BEGAIN: variants seen among roughly 807,000 people sequenced by gnomAD.
BEGAIN encodes the protein brain-enriched guanylate kinase-associated protein.
Under a neutral mutation model 35.8 loss-of-function variants are expected in BEGAIN, and 19 were observed. The observed-to-expected ratio is 0.53, with a 90% CI of 0.37 to 0.78. The LOEUF is 0.78. Ranked by LOEUF, BEGAIN falls within the 30% of genes least tolerant of loss-of-function variation. The pLI, the probability that BEGAIN is intolerant of heterozygous loss-of-function variation, is 0.00. For synonymous variants in BEGAIN, 462 were observed against 388.6 expected (o/e 1.19, Z -2.22); for missense variants, 795 against 853.6 (o/e 0.93, Z 0.85).
At position 100,567,908 on chromosome 14, in the gene BEGAIN, C is replaced by T; in HGVS notation, c.71+3G>A. 1 of 1,468,648 alleles carries T rather than the reference C, an allele frequency of 6.8e-7. No individual in the cohort carries two copies. 91.0% of individuals were successfully genotyped at this position (1,468,648 alleles called of 1,614,324 possible). ...GCCGCGGCACGGGAGACGCTCCACT[C>T]ACCTGAGTTTCTCCATGTCTGCGGC... On this transcript the variant is annotated splice_donor_region_variant and intron_variant, in intron 2 of 6. Transcript: ENST00000554140. This position sits in a 1 kb window ranked among gnomAD's most constrained non-coding sequence, Gnocchi z 5.1.
chr14:100,539,357 C>G (rs748189913), intron 6 of BEGAIN, 42 bp from the exon 7 acceptor site: 4 of 1,510,600 alleles, frequency 2.6e-6, no homozygotes, highest in Non-Finnish European at 3.5e-6. Context: ...TACAGGGTCA[C>G]TGTTAGCATG....
Position 100,546,776 on chromosome 14 carries a change from G to GCACACACA in BEGAIN, c.72-115_72-114insTGTGTGTG, listed in dbSNP as rs1389719323. 50 of 678,288 alleles carry GCACACACA rather than the reference G, an allele frequency of 7.4e-5. No homozygotes were observed. In the African/African-American group the frequency reaches 9.9e-4, roughly 13 times the overall value. The allele number at this position is 678,288 out of a possible 1,614,324, so 42.0% of individuals were successfully genotyped here. Reference sequence around the variant, plus strand: ...CACGCGAGTACCGGCGCGCGCGCGCGCGCGCACACACACACACACACACAC... The same window carrying GCACACACA: ...CACGCGAGTACCGGCGCGCGCGCGCGCACACACACGCGCACACACACACACACACACAC... On this transcript the variant is annotated intron_variant, in intron 2 of 6. Coordinates refer to ENST00000554140, the MANE Select transcript of BEGAIN (RefSeq NM_001385089.1).
intron 2 of BEGAIN, among the ~76,000 whole-genome samples, chr14:100,555,661 C>G (rs1041219573): frequency 3.3e-5 from 5 of 152,232 alleles, no homozygotes; most frequent in African/African-American, 1.2e-4. Flanking sequence ...ACTGAGATGC[C>G]AGATTTTAAT....
chr14:100,551,927 C>T (rs1028854879), intron 2 of BEGAIN, among the ~76,000 whole-genome samples: 1 of 152,118 alleles, frequency 6.6e-6, no homozygotes, highest in Admixed American at 6.5e-5. Context: ...TTTGGAATTC[C>T]GGTCCCAGGT....
At position 100,556,243 on chromosome 14, in the gene BEGAIN, C is replaced by T. The variant is rs1275555566; in HGVS notation, c.72-9581G>A. Among the ~76,000 whole-genome samples, 7 of 152,274 alleles carry T rather than the reference C, an allele frequency of 4.6e-5. No homozygotes were observed. The East Asian group carries it at 5.8e-4, about 13-fold the overall frequency. ...TCGACTCCGGGATGACCTGGCTGGC[C>T]GCGCCACTGCTCCCTCCTGCCTGGA... is the stretch of plus-strand genomic sequence containing the variant. On this transcript the variant is annotated intron_variant, in intron 2 of 6. Coordinates refer to ENST00000554140, the MANE Select transcript of BEGAIN (RefSeq NM_001385089.1).
Position 100,586,688 on chromosome 14 carries a change from T to C in BEGAIN, c.42+561A>G, listed in dbSNP as rs989049807. Among the ~76,000 whole-genome samples the C allele has an allele frequency of 6.6e-6, 1 of 152,186 alleles. No homozygotes were observed. Among genetic ancestry groups the C allele is most frequent in the African/African-American group, 2.4e-5 (1 of 41,464 alleles). ...CCTCGCCTGTAAAGGGGCAGGAGGA[T>C]AGTACCTGCCGCGAGGTACTGAATG... is the stretch of plus-strand genomic sequence containing the variant. On this transcript the variant is annotated intron_variant, in intron 1 of 6. Transcript: ENST00000554140. The surrounding 1 kb of genome is among the most constrained non-coding windows in gnomAD (Gnocchi z 4.9).
In BEGAIN at chr14:100,568,208, C is replaced by G; in HGVS notation, c.43-269G>C. On this transcript the variant is annotated intron_variant, in intron 1 of 6. Coordinates refer to ENST00000554140, the MANE Select transcript of BEGAIN (RefSeq NM_001385089.1). The surrounding 1 kb of genome is among the most constrained non-coding windows in gnomAD (Gnocchi z 7.5). ...ACGCCCCCCGGGGCGAAGAAGGGGC[C>G]GGCCCGGGATGGCCCGGCCAGGGGC... 3 of 717,658 alleles carry G rather than the reference C, an allele frequency of 4.2e-6. No individual in the cohort carries two copies. The highest frequency in any genetic ancestry group is 5.2e-6 in the Non-Finnish European group (3 of 573,732). The allele number at this position is 717,658 out of a possible 1,614,324, so 44.5% of individuals were successfully genotyped here.
rs1021253268 is a variant in BEGAIN, at chr14:100,577,343, G to A, written c.43-9404C>T. 4.5e-5 allele frequency: 18 copies of A among 399,086 alleles called. 1 individual carries two copies. The Middle Eastern group carries it at 2.5e-3, about 56-fold the overall frequency. 24.7% of individuals were successfully genotyped at this position (399,086 alleles called of 1,614,324 possible). On this transcript the variant is annotated intron_variant, in intron 1 of 6. Coordinates refer to ENST00000554140, the MANE Select transcript of BEGAIN (RefSeq NM_001385089.1). Reference sequence around the variant, plus strand: ...GGAGACCTCCAAGGGGAGGCAGTCCGGCCTCCACGCTTGCCACTGCCCAAG... The same window carrying A: ...GGAGACCTCCAAGGGGAGGCAGTCCAGCCTCCACGCTTGCCACTGCCCAAG...
chr14:100,567,859 T>G lies in BEGAIN; in HGVS notation c.71+52A>C. The G allele has an allele frequency of 1.5e-6, 2 of 1,358,408 alleles. No individual in the cohort carries two copies. Among genetic ancestry groups the G allele is most frequent in the Non-Finnish European group, 2.0e-6 (2 of 1,020,540 alleles). 84.1% of individuals were successfully genotyped at this position (1,358,408 alleles called of 1,614,324 possible). The stretch of plus-strand genomic sequence containing the variant: ...CCTTCCCCCGCCTTCCCCAGCGCCC[T>G]CACCCCCGACCCGGCCCCCGCGAGC... On this transcript the variant is annotated intron_variant, in intron 2 of 6. Transcript: ENST00000554140. The surrounding 1 kb of genome is among the most constrained non-coding windows in gnomAD (Gnocchi z 5.1).
chr14:100,571,427 TC>T (rs1483894213), intron 1 of BEGAIN, among the ~76,000 whole-genome samples: 1 of 152,154 alleles, frequency 6.6e-6, no homozygotes, highest in East Asian at 1.9e-4. Flanking sequence ...AACATGCCCG[TC>T]CACCCTTTCC....
intron 1 of BEGAIN, among the ~76,000 whole-genome samples, chr14:100,585,615 C>T (rs898258339): frequency 1.1e-4 from 16 of 151,756 alleles, no homozygotes; most frequent in African/African-American, 3.6e-4. Flanking sequence ...CCAGACCCTG[C>T]GCCCAAGTCT....
At chr14:100,546,437 C>T in intron 3 of BEGAIN, 64 bp downstream of exon 3, 1 of 91,360 alleles carries the variant, frequency 1.1e-5, no homozygotes, top group South Asian at 3.7e-4. Context: ...CCGGCCCTCG[C>T]CCCGCCCCGG....
Position 100,568,091 on chromosome 14 carries a change from C to G in BEGAIN, c.43-152G>C. The G allele has an allele frequency of 1.9e-6, 2 of 1,049,464 alleles. No individual in the cohort carries two copies. Among genetic ancestry groups the G allele is most frequent in the Non-Finnish European group, 2.3e-6 (2 of 873,294 alleles). 65.0% of individuals were successfully genotyped at this position (1,049,464 alleles called of 1,614,324 possible). ...GCCGCGCGTCCCCAGCTTCCAGTCCCGGCCGCGGCCCCCGTGACTCAGTGG... is the reference window on the plus strand; with the variant it reads ...GCCGCGCGTCCCCAGCTTCCAGTCCGGGCCGCGGCCCCCGTGACTCAGTGG... On this transcript the variant is annotated intron_variant, in intron 1 of 6. Transcript: ENST00000554140. The surrounding 1 kb of genome is among the most constrained non-coding windows in gnomAD (Gnocchi z 7.5).
At chr14:100,577,330 G>A (rs1251224777) in intron 1 of BEGAIN, 2 of 398,986 alleles carry the variant, frequency 5.0e-6, no homozygotes, top group Admixed American at 4.4e-5. Flanking sequence ...AGACCTCCAA[G>A]GGGAGGCAGT....
At chr14:100,580,583 C>G (rs950807659) in intron 1 of BEGAIN, among the ~76,000 whole-genome samples, 8 of 152,184 alleles carry the variant, frequency 5.3e-5, no homozygotes, top group African/African-American at 1.9e-4. Context: ...TAATTCCCAG[C>G]TGACCTTCAG....
Position 100,541,866 on chromosome 14 carries a change from G to A in BEGAIN, c.409-1287C>T, listed in dbSNP as rs114129349. Among the ~76,000 whole-genome samples the A allele has an allele frequency of 9.1e-3, 1,381 of 152,296 alleles. 19 individuals are homozygous for A. Among genetic ancestry groups the A allele is most frequent in the African/African-American group, 0.032 (1,315 of 41,562 alleles). On this transcript the variant is annotated intron_variant, in intron 5 of 6. Coordinates refer to ENST00000554140, the MANE Select transcript of BEGAIN (RefSeq NM_001385089.1). ...GCTGGCTCGGGGAGGAAATGCTCACGGGACACTCTGGCAGAGCGAACAGGT... is the reference window on the plus strand; with the variant it reads ...GCTGGCTCGGGGAGGAAATGCTCACAGGACACTCTGGCAGAGCGAACAGGT...
intron 3 of BEGAIN, 167 bp downstream of exon 3, chr14:100,546,334 G>GCCCCCCCCCCGCCCCCCCC: frequency 2.1e-6 from 1 of 469,926 alleles, no homozygotes; most frequent in Admixed American, 5.3e-5. Context: ...CTCGGGCCCT[G>GCCCCCCCCCCGCCCCCCCC]CCCCACCCCG....
At chr14:100,545,360 C>A in intron 3 of BEGAIN, 1 of 1,257,382 alleles carries the variant, frequency 8.0e-7, no homozygotes, top group South Asian at 2.0e-5. Context: ...AGACTCTGTC[C>A]CATCCACACG....
At chr14:100,566,428 C>A (rs576005769) in intron 2 of BEGAIN, among the ~76,000 whole-genome samples, 1 of 152,328 alleles carries the variant, frequency 6.6e-6, no homozygotes, top group South Asian at 2.1e-4. Flanking sequence ...AAGAGAACCA[C>A]CGCAGGGAAC....
Sources: gnomAD v4.1 joint callset for allele counts (sites outside exome capture counted in the v4.1 genomes callset) on GRCh38, gnomAD v4.1.1 for gene constraint, Gnocchi (gnomAD v3.1) non-coding constraint, MANE v1.5 for transcripts, NCBI Gene and HGNC (gene_info 2026-07-23, HGNC 2026-07-21) for gene names.